ELMOD2: variants seen among roughly 807,000 people sequenced by gnomAD.
ELMOD2 encodes ELMO domain containing 2.
Under a neutral mutation model 41.0 loss-of-function variants are expected in ELMOD2, and 28 were observed. That is an observed-to-expected ratio of 0.68 (90% CI 0.51 to 0.94). The LOEUF is 0.94. ELMOD2 is among the 40% of genes least tolerant of loss of function. The pLI is 0.00. For synonymous variants in ELMOD2, 106 were observed against 107.2 expected (o/e 0.99, Z 0.07); for missense variants, 333 against 343.1 (o/e 0.97, Z 0.23).
intron 6 of ELMOD2, among the ~76,000 whole-genome samples, chr4:140,540,746 A>C (rs1220246646): frequency 6.9e-6 from 1 of 144,388 alleles, no homozygotes; most frequent in Admixed American, 7.0e-5. Flanking sequence ...CTGTCTTTAA[A>C]AAAAAAAAAA....
At chr4:140,530,649 G>A (rs1446884214) in intron 3 of ELMOD2, among the ~76,000 whole-genome samples, 1 of 152,098 alleles carries the variant, frequency 6.6e-6, no homozygotes, top group Non-Finnish European at 1.5e-5. Flanking sequence ...AAAGAGAGTG[G>A]TCAACAAATG....
At chr4:140,531,533 T>C (rs1734747154) in intron 3 of ELMOD2, among the ~76,000 whole-genome samples, 3 of 152,240 alleles carry the variant, frequency 2.0e-5, no homozygotes, top group Non-Finnish European at 1.5e-5. Context: ...TGGCAATCTA[T>C]TGGTGTTTTT....
intron 3 of ELMOD2, among the ~76,000 whole-genome samples, chr4:140,534,114 T>TA (rs912674433): frequency 3.3e-5 from 5 of 152,204 alleles, no homozygotes; most frequent in Admixed American, 2.6e-4. Flanking sequence ...AAAAGTATAA[T>TA]AAAGTATGGT....
intron 3 of ELMOD2, chr4:140,527,788 T>C (rs1308161568): frequency 3.1e-6 from 1 of 327,168 alleles, no homozygotes; most frequent in African/African-American, 2.2e-5. Context: ...AGTCGTCTTT[T>C]AGACTGTGTC....
chr4:140,525,265 C>T (rs936497782), intron 1 of ELMOD2, 155 bp from the exon 2 acceptor site: 1 of 735,892 alleles, frequency 1.4e-6, no homozygotes, highest in Non-Finnish European at 2.1e-6. Context: ...TATATTACAC[C>T]TGCCATTGTT....
At chr4:140,546,635 C>T (rs974420434) in intron 8 of ELMOD2, among the ~76,000 whole-genome samples, 2 of 148,878 alleles carry the variant, frequency 1.3e-5, no homozygotes, top group African/African-American at 4.9e-5. Context: ...AATTTGAAAA[C>T]TCCCCAAACA....
intron 3 of ELMOD2, among the ~76,000 whole-genome samples, chr4:140,531,645 T>C (rs1302703775): frequency 6.6e-6 from 1 of 152,248 alleles, no homozygotes; most frequent in African/African-American, 2.4e-5. Context: ...TAGTTTAGTT[T>C]TCTTTTAATG....
At chr4:140,529,393 C>T (rs778766782) in intron 3 of ELMOD2, among the ~76,000 whole-genome samples, 2 of 152,134 alleles carry the variant, frequency 1.3e-5, no homozygotes, top group Non-Finnish European at 2.9e-5. Context: ...TTCTTTAAGC[C>T]TCGACATTGT....
intron 5 of ELMOD2, 74 bp from the exon 6 acceptor site, chr4:140,540,094 T>C: frequency 1.3e-6 from 2 of 1,509,562 alleles, no homozygotes; most frequent in Non-Finnish European, 1.8e-6. Context: ...ACAAAAGTTA[T>C]TTGATAGCAT....
intron 8 of ELMOD2, among the ~76,000 whole-genome samples, chr4:140,544,296 A>G (rs1735198861): frequency 6.6e-6 from 1 of 152,070 alleles, no homozygotes; most frequent in African/African-American, 2.4e-5. Context: ...CTTCATCTCC[A>G]TTGTTGAAAA....
chr4:140,537,944 T>G (rs1193369970), intron 5 of ELMOD2, among the ~76,000 whole-genome samples: 4 of 152,238 alleles, frequency 2.6e-5, no homozygotes, highest in Non-Finnish European at 4.4e-5. Flanking sequence ...TACTTACAAG[T>G]TGAAAACATG....
intron 7 of ELMOD2, 126 bp downstream of exon 7, chr4:140,542,768 A>C: frequency 1.6e-6 from 1 of 641,292 alleles, no homozygotes; most frequent in South Asian, 3.4e-5. Context: ...TTTTTAAAGG[A>C]TATTACATGA....
chr4:140,543,735 A>G, intron 8 of ELMOD2, 149 bp downstream of exon 8: 1 of 619,232 alleles, frequency 1.6e-6, no homozygotes. Context: ...AAAAACAAGA[A>G]AACAGTGGAA....
At chr4:140,542,171 A>G (rs1373031110) in intron 6 of ELMOD2, among the ~76,000 whole-genome samples, 1 of 151,982 alleles carries the variant, frequency 6.6e-6, no homozygotes, top group Non-Finnish European at 1.5e-5. Flanking sequence ...AAATGGCACT[A>G]AACAACACAG....
chr4:140,532,727 G>A (rs1734791160), intron 3 of ELMOD2, among the ~76,000 whole-genome samples: 1 of 152,112 alleles, frequency 6.6e-6, no homozygotes, highest in South Asian at 2.1e-4. Context: ...ACAAATATAT[G>A]TACTTTCTCT....
intron 6 of ELMOD2, among the ~76,000 whole-genome samples, chr4:140,541,556 C>G (rs1426634207): frequency 6.6e-6 from 1 of 151,972 alleles, no homozygotes; most frequent in African/African-American, 2.4e-5. Flanking sequence ...AAATTAGAGA[C>G]TTAGGAAAGC....
intron 3 of ELMOD2, among the ~76,000 whole-genome samples, chr4:140,534,293 AAAG>A (rs1295099574): frequency 5.3e-5 from 8 of 152,190 alleles, no homozygotes; most frequent in South Asian, 2.1e-4. Context: ...ATGTTGAACA[AAAG>A]AAGCCAGACA....
chr4:140,526,362 C>G (rs1294218904), intron 2 of ELMOD2, among the ~76,000 whole-genome samples: 37 of 152,142 alleles, frequency 2.4e-4, no homozygotes, highest in Admixed American at 2.2e-3. Context: ...TAAAATACAT[C>G]AGTTTTCAGT....
At chr4:140,544,510 ATTGAAAG>A (rs1735209138) in intron 8 of ELMOD2, among the ~76,000 whole-genome samples, 1 of 151,992 alleles carries the variant, frequency 6.6e-6, no homozygotes, top group South Asian at 2.1e-4. Flanking sequence ...TCTTCTCCAC[ATTGAAAG>A]TATAGTTATT....
Sources: allele counts gnomAD v4.1 joint callset (sites outside exome capture counted in the v4.1 genomes callset), GRCh38; gene constraint gnomAD v4.1.1; transcripts MANE v1.5; gene names NCBI Gene and HGNC (gene_info 2026-07-23, HGNC 2026-07-21).